The following SUGCT variants were observed in gnomAD, a reference collection of about 807,000 sequenced individuals.
The protein encoded by SUGCT is succinyl-CoA:glutarate-CoA transferase, also known as succinyl-CoA:glutarate CoA-transferase.
Under a neutral mutation model 55.0 loss-of-function variants are expected in SUGCT, and 41 were observed. The observed-to-expected ratio is 0.74, with a 90% CI of 0.58 to 0.97. The LOEUF is 0.97. Among genes scored for constraint, SUGCT ranks in the 50% least tolerant of loss-of-function variants. SUGCT has a pLI of 0.00. For missense variants in SUGCT, 568 were observed against 547.8 expected (o/e 1.04, Z -0.37); for synonymous variants, 187 against 200.4 (o/e 0.93, Z 0.56).
At chr7:40,441,924 C>T (rs2151413455) in intron 9 of SUGCT, among the ~76,000 whole-genome samples, 1 of 152,134 alleles carries the variant, frequency 6.6e-6, no homozygotes, top group Middle Eastern at 3.4e-3. Flanking sequence ...GAGTGAGTTT[C>T]TGGGTGGGGG....
intron 12 of SUGCT, among the ~76,000 whole-genome samples, chr7:40,586,519 A>C (rs986327127): frequency 2.6e-5 from 4 of 152,202 alleles, no homozygotes; most frequent in African/African-American, 9.6e-5. Context: ...GTCTTGCAGA[A>C]GGGAAGCAGA....
intron 13 of SUGCT, among the ~76,000 whole-genome samples, chr7:40,854,428 C>CTTTCTTTCTT (rs1794044312): frequency 7.7e-6 from 1 of 129,384 alleles, no homozygotes; most frequent in African/African-American, 3.1e-5. Context: ...TCCTTTCTTT[C>CTTTCTTTCTT]TTTCTTTCTT....
intron 12 of SUGCT, among the ~76,000 whole-genome samples, chr7:40,641,354 TC>T (rs1213003786): frequency 2.0e-5 from 3 of 152,110 alleles, no homozygotes. Flanking sequence ...AATATGAAGA[TC>T]ATTTGCAGTG....
chr7:40,225,911 C>A (rs6462965), intron 6 of SUGCT, among the ~76,000 whole-genome samples: 87,414 of 151,920 alleles, frequency 0.58, 27,089 homozygotes, highest in African/African-American at 0.82. Context: ...AGGACAATAA[C>A]ATTTACTTTG....
chr7:40,291,259 T>G (rs1449935704), intron 8 of SUGCT, among the ~76,000 whole-genome samples: 2 of 152,032 alleles, frequency 1.3e-5, no homozygotes, highest in African/African-American at 4.8e-5. Context: ...CCAACCCAAA[T>G]GTCCATCAGT....
At chr7:40,393,736 C>A (rs1785570606) in intron 9 of SUGCT, among the ~76,000 whole-genome samples, 1 of 152,026 alleles carries the variant, frequency 6.6e-6, no homozygotes, top group Non-Finnish European at 1.5e-5. Context: ...GTCTACAGAC[C>A]CATTTCTTTC....
At chr7:40,541,063 A>G (rs968083088) in intron 12 of SUGCT, among the ~76,000 whole-genome samples, 22 of 152,206 alleles carry the variant, frequency 1.4e-4, no homozygotes, top group Non-Finnish European at 2.6e-4. Flanking sequence ...CCTTAAAGGA[A>G]TTGATAATTT....
chr7:40,718,303 A>G (rs868547315), intron 12 of SUGCT, among the ~76,000 whole-genome samples: 2 of 152,242 alleles, frequency 1.3e-5, no homozygotes, highest in African/African-American at 2.4e-5. Context: ...AATGTTTGAG[A>G]AGAAACCCGG....
chr7:40,731,755 A>G (rs531296626), intron 12 of SUGCT, among the ~76,000 whole-genome samples: 1 of 152,354 alleles, frequency 6.6e-6, no homozygotes, highest in South Asian at 2.1e-4. Context: ...AGCTAGTTCC[A>G]AAAGAGTGAA....
chr7:40,153,613 CTTATG>C, intron 1 of SUGCT: 1 of 520,880 alleles, frequency 1.9e-6, no homozygotes, highest in South Asian at 1.4e-5. Flanking sequence ...GGTCTGCTAC[CTTATG>C]TTATAATAGT....
At chr7:40,633,929 A>T (rs1799908607) in intron 12 of SUGCT, among the ~76,000 whole-genome samples, 1 of 152,206 alleles carries the variant, frequency 6.6e-6, no homozygotes, top group Non-Finnish European at 1.5e-5. Flanking sequence ...TTATGCAATG[A>T]TATGCTTGTT....
the SUGCT span, among the ~76,000 whole-genome samples, chr7:40,951,100 T>C: frequency 7.9e-5 from 12 of 152,282 alleles, no homozygotes; most frequent in Non-Finnish European, 1.5e-4. Flanking sequence ...GGACTTTTTT[T>C]GGGTGGTAGG....
At chr7:41,021,661 G>C in the SUGCT span, among the ~76,000 whole-genome samples, 15,919 of 151,880 alleles carry the variant, frequency 0.1, 1,778 homozygotes, top group African/African-American at 0.28. Flanking sequence ...CTGAAAGAAA[G>C]TATAAAATAA....
the SUGCT span, among the ~76,000 whole-genome samples, chr7:40,898,664 C>A: frequency 1.3e-5 from 2 of 151,716 alleles, no homozygotes; most frequent in South Asian, 4.2e-4. Flanking sequence ...GCGGACCTTG[C>A]AGTGAGCAGA....
chr7:40,301,601 A>G (rs903222034), intron 8 of SUGCT, among the ~76,000 whole-genome samples: 3 of 152,236 alleles, frequency 2.0e-5, no homozygotes, highest in Non-Finnish European at 4.4e-5. Context: ...AAAGAACTTC[A>G]TCATGTACTG....
chr7:40,926,201 G>T, the SUGCT span, among the ~76,000 whole-genome samples: 1 of 151,936 alleles, frequency 6.6e-6, no homozygotes, highest in African/African-American at 2.4e-5. Context: ...TCCCAAACAG[G>T]ACCATCCATG....
At chr7:40,587,479 A>G (rs150902765) in intron 12 of SUGCT, among the ~76,000 whole-genome samples, 1 of 152,376 alleles carries the variant, frequency 6.6e-6, no homozygotes, top group East Asian at 1.9e-4. Flanking sequence ...CACATATAAT[A>G]GAAAAATGAT....
chr7:40,197,800 A>G (rs1786372178), intron 6 of SUGCT, among the ~76,000 whole-genome samples: 1 of 152,210 alleles, frequency 6.6e-6, no homozygotes, highest in Non-Finnish European at 1.5e-5. Context: ...CAGGATGACA[A>G]TTGAGAATAA....
At chr7:40,714,249 G>C (rs997276772) in intron 12 of SUGCT, among the ~76,000 whole-genome samples, 1 of 152,138 alleles carries the variant, frequency 6.6e-6, no homozygotes, top group Non-Finnish European at 1.5e-5. Flanking sequence ...AGAATTGCTT[G>C]AACTCAGGAG....
Sources: allele counts gnomAD v4.1 joint callset (sites outside exome capture counted in the v4.1 genomes callset), GRCh38; gene constraint gnomAD v4.1.1; transcripts MANE v1.5; gene names NCBI Gene and HGNC (gene_info 2026-07-23, HGNC 2026-07-21).